ITIH2: variants seen among roughly 807,000 people sequenced by gnomAD.
ITIH2 encodes inter-alpha-trypsin inhibitor heavy chain 2.
ITIH2 carries 103 observed loss-of-function variants against 104.4 expected under a neutral mutation model. That is an observed-to-expected ratio of 0.99 (90% CI 0.84 to 1.16). The LOEUF (loss-of-function observed/expected upper bound fraction) is 1.16. Among genes scored for constraint, ITIH2 ranks in the 50% most tolerant of loss-of-function variants. ITIH2 has a pLI of 0.00. For synonymous variants in ITIH2, 436 were observed against 435.4 expected, an observed-to-expected ratio of 1.00 and a Z score of -0.02; for missense variants, 1,108 against 1,162.4, an observed-to-expected ratio of 0.95 and a Z score of 0.68.
At chr10:7,726,818 A>G (rs7074068) in intron 9 of ITIH2, 132 bp from the exon 10 acceptor site, 160,716 of 711,672 alleles carry the variant, frequency 0.23, 21,730 homozygotes, top group African/African-American at 0.55. Flanking sequence ...AGGTGGGCTC[A>G]AGAGGTTTTC....
chr10:7,708,914 C>A, intron 3 of ITIH2, 108 bp from the exon 4 acceptor site: 1 of 925,106 alleles, frequency 1.1e-6, no homozygotes, highest in Non-Finnish European at 1.7e-6. Context: ...AATTGTTCTG[C>A]TAGTAAAACA....
chr10:7,745,331 T>C (rs1409472044), intron 19 of ITIH2, among the ~76,000 whole-genome samples: 2 of 152,170 alleles, frequency 1.3e-5, no homozygotes, highest in African/African-American at 4.8e-5. Flanking sequence ...GGCTCAAATA[T>C]AAAGCCTGTG....
intron 13 of ITIH2, 131 bp from the exon 14 acceptor site, chr10:7,732,207 T>C: frequency 9.1e-7 from 1 of 1,098,164 alleles, no homozygotes; most frequent in South Asian, 1.5e-5. Flanking sequence ...GGAATGCATT[T>C]CCTTCCTCCG....
At chr10:7,735,121 C>A in intron 15 of ITIH2, 30 bp downstream of exon 15, 1 of 1,574,880 alleles carries the variant, frequency 6.3e-7, no homozygotes, top group South Asian at 1.1e-5. Context: ...GGACAAGTGG[C>A]CAGGCAGCTC....
chr10:7,714,099 CTCTTCAAAGGGAAAAAA>C (rs1286422888), intron 5 of ITIH2, among the ~76,000 whole-genome samples: 2 of 151,170 alleles, frequency 1.3e-5, no homozygotes, highest in African/African-American at 4.9e-5. Flanking sequence ...AAAGTAGCTT[CTCTTCAAAGGGAAAAAA>C]TCTTCAAAGG....
intron 17 of ITIH2, among the ~76,000 whole-genome samples, chr10:7,743,616 A>G (rs932088765): frequency 2.6e-4 from 39 of 152,054 alleles, no homozygotes; most frequent in Admixed American, 1.5e-3. Flanking sequence ...CCCCACTACT[A>G]AAAATACAAA....
intron 10 of ITIH2, 129 bp from the exon 11 acceptor site, chr10:7,727,574 A>G: frequency 9.1e-7 from 1 of 1,093,358 alleles, no homozygotes. Context: ...TCAGAAAGCA[A>G]TGAAATGATT....
intron 2 of ITIH2, 50 bp from the exon 3 acceptor site, chr10:7,707,151 G>C: frequency 1.4e-6 from 2 of 1,387,458 alleles, no homozygotes; most frequent in Non-Finnish European, 2.0e-6. Context: ...GGCTCTCAAG[G>C]TAATAAGTGA....
chr10:7,748,521 C>CCTTTTTTTTTTTTTT (rs1835202332), intron 20 of ITIH2, among the ~76,000 whole-genome samples: 1 of 27,124 alleles, frequency 3.7e-5, no homozygotes. Flanking sequence ...CCAATGCATT[C>CCTTTTTTTTTTTTTT]TTTTTTTTTT....
intron 20 of ITIH2, among the ~76,000 whole-genome samples, chr10:7,748,903 C>A (rs1388780815): frequency 6.6e-6 from 1 of 151,966 alleles, no homozygotes; most frequent in Non-Finnish European, 1.5e-5. Flanking sequence ...GAGTCTTGTT[C>A]CTGCCTTCTT....
chr10:7,745,519 C>G (rs1835167889), intron 19 of ITIH2, among the ~76,000 whole-genome samples: 1 of 151,968 alleles, frequency 6.6e-6, no homozygotes, highest in Non-Finnish European at 1.5e-5. Flanking sequence ...TTTAGGAGGC[C>G]TGGGCAGGTG....
intron 15 of ITIH2, among the ~76,000 whole-genome samples, chr10:7,736,628 T>C (rs1016392812): frequency 6.6e-6 from 1 of 152,114 alleles, no homozygotes; most frequent in African/African-American, 2.4e-5. Context: ...AGTAGCCAAG[T>C]GAGCAAAATA....
chr10:7,743,055 G>T, intron 16 of ITIH2, 91 bp from the exon 17 acceptor site: 1 of 702,324 alleles, frequency 1.4e-6, no homozygotes, highest in East Asian at 2.7e-5. Context: ...TATTTGTTCT[G>T]ATTAAATTAA....
intron 7 of ITIH2, 82 bp downstream of exon 7, chr10:7,721,045 G>A (rs1834897663): frequency 1.1e-6 from 1 of 899,110 alleles, no homozygotes; most frequent in South Asian, 1.4e-5. Flanking sequence ...CTCTGGAGAA[G>A]AGAAAAGCAG....
intron 18 of ITIH2, 91 bp downstream of exon 18, chr10:7,744,371 AATC>A: frequency 9.0e-7 from 1 of 1,116,698 alleles, no homozygotes; most frequent in Non-Finnish European, 1.3e-6. Flanking sequence ...ATTGAAAAAA[AATC>A]ATCATTTTAA....
intron 4 of ITIH2, among the ~76,000 whole-genome samples, chr10:7,712,667 C>T (rs1157622924): frequency 1.3e-5 from 2 of 152,166 alleles, no homozygotes; most frequent in East Asian, 1.9e-4. Context: ...GCCTACCAAA[C>T]CCCTCTCAAG....
intron 6 of ITIH2, among the ~76,000 whole-genome samples, chr10:7,720,625 G>C (rs113051373): frequency 6.6e-6 from 1 of 152,286 alleles, no homozygotes; most frequent in African/African-American, 2.4e-5. Context: ...ACTCCTGGGG[G>C]AGTGAGGCAG....
intron 16 of ITIH2, among the ~76,000 whole-genome samples, chr10:7,741,246 T>G (rs1835121465): frequency 2.0e-5 from 3 of 147,128 alleles, no homozygotes; most frequent in South Asian, 2.2e-4. Flanking sequence ...TGGCTCGATC[T>G]CGGCTCACTG....
intron 12 of ITIH2, among the ~76,000 whole-genome samples, chr10:7,731,320 C>T (rs1019954731): frequency 2.0e-5 from 3 of 152,206 alleles, no homozygotes; most frequent in African/African-American, 7.2e-5. Context: ...ATGTTCTCAA[C>T]AAGTCTTTGT....
Sources: allele counts gnomAD v4.1 joint callset (sites outside exome capture counted in the v4.1 genomes callset), GRCh38; gene constraint gnomAD v4.1.1; transcripts MANE v1.5; gene names NCBI Gene and HGNC (gene_info 2026-07-23, HGNC 2026-07-21).